Variants in MTA3 observed in about 807,000 individuals in gnomAD.
The protein encoded by MTA3 is metastasis associated 1 family member 3.
In MTA3, 34 loss-of-function variants were observed where a neutral mutation model predicts 83.5. The ratio of observed to expected loss-of-function variants is 0.41; its 90% CI spans 0.31 to 0.54. The LOEUF is 0.54. Ranked by LOEUF, MTA3 falls within the 20% of genes least tolerant of loss-of-function variation. The pLI is 0.33. For missense variants in MTA3, 761 were observed against 726.4 expected, an observed-to-expected ratio of 1.05 and a Z score of -0.55; for synonymous variants, 303 against 252.7, an observed-to-expected ratio of 1.20 and a Z score of -1.89.
chr2:42,558,752 A>G (rs1324982226), intron 2 of MTA3, among the ~76,000 whole-genome samples: 3 of 146,808 alleles, frequency 2.0e-5, no homozygotes, highest in Non-Finnish European at 4.5e-5. Flanking sequence ...ACGGGGTTTC[A>G]CCATATTGCC....
At chr2:42,590,219 C>T (rs964624852) in intron 3 of MTA3, among the ~76,000 whole-genome samples, 1 of 152,008 alleles carries the variant, frequency 6.6e-6, no homozygotes, top group African/African-American at 2.4e-5. Flanking sequence ...AGATTTGATC[C>T]CTGGTGTTGG....
At chr2:42,645,935 A>G (rs1688139127) in intron 6 of MTA3, among the ~76,000 whole-genome samples, 1 of 152,244 alleles carries the variant, frequency 6.6e-6, no homozygotes, top group Admixed American at 6.5e-5. Context: ...GATGCCATCT[A>G]GGACTTTCAT....
upstream of MTA3, among the ~76,000 whole-genome samples, chr2:42,567,274 G>A (rs1007195478): frequency 4.6e-5 from 7 of 152,176 alleles, no homozygotes; most frequent in African/African-American, 1.7e-4. Flanking sequence ...CCATTTTATA[G>A]ACGAGGAAAC....
chr2:42,496,011 T>TA (rs931287157), intron 2 of MTA3, among the ~76,000 whole-genome samples: 1 of 152,174 alleles, frequency 6.6e-6, no homozygotes, highest in Non-Finnish European at 1.5e-5. Flanking sequence ...AGGAAGCCGT[T>TA]AAAAAATACT....
intron 2 of MTA3, among the ~76,000 whole-genome samples, chr2:42,529,287 C>G (rs1321848391): frequency 3.9e-5 from 6 of 152,162 alleles, no homozygotes; most frequent in Non-Finnish European, 8.8e-5. Flanking sequence ...CTATTCTAAG[C>G]AGTCCCCAGA....
At chr2:42,610,582 A>G (rs779274631) in intron 4 of MTA3, among the ~76,000 whole-genome samples, 9 of 152,198 alleles carry the variant, frequency 5.9e-5, no homozygotes, top group East Asian at 1.9e-4. Flanking sequence ...GTGGTTTTCT[A>G]TGATCTACTG....
chr2:42,679,614 A>G (rs1691685980), intron 8 of MTA3, among the ~76,000 whole-genome samples: 1 of 152,240 alleles, frequency 6.6e-6, no homozygotes. Context: ...GATTCATGGG[A>G]ACCCATGCAG....
chr2:42,524,214 A>C (rs576771976), intron 2 of MTA3, among the ~76,000 whole-genome samples: 8 of 152,146 alleles, frequency 5.3e-5, no homozygotes, highest in African/African-American at 1.9e-4. Context: ...TTCCCCTGGT[A>C]AAATTCCTGT....
At chr2:42,540,480 C>A (rs1676470087) in intron 2 of MTA3, among the ~76,000 whole-genome samples, 1 of 151,844 alleles carries the variant, frequency 6.6e-6, no homozygotes, top group South Asian at 2.1e-4. Flanking sequence ...GCTGTAAATA[C>A]CCTTGACAGG....
chr2:42,607,689 C>T (rs370815427), intron 3 of MTA3, among the ~76,000 whole-genome samples: 1 of 152,146 alleles, frequency 6.6e-6, no homozygotes, highest in Non-Finnish European at 1.5e-5. Flanking sequence ...ACTCTTCATC[C>T]ACTCTAATAA....
intron 11 of MTA3, among the ~76,000 whole-genome samples, chr2:42,701,312 AT>A (rs1693843501): frequency 2.0e-5 from 3 of 146,680 alleles, no homozygotes; most frequent in African/African-American, 5.0e-5. Flanking sequence ...AAAAAAAAAA[AT>A]TAAAGGCCAG....
chr2:42,715,406 C>CTTTTTTT (rs35673744), intron 14 of MTA3, among the ~76,000 whole-genome samples: 5 of 104,170 alleles, frequency 4.8e-5, no homozygotes, highest in Non-Finnish European at 7.4e-5. Flanking sequence ...CCACCAACTA[C>CTTTTTTT]TTTTTTTTTT....
At chr2:42,573,941 C>G (rs1218199813) in intron 2 of MTA3, among the ~76,000 whole-genome samples, 1 of 152,124 alleles carries the variant, frequency 6.6e-6, no homozygotes, top group South Asian at 2.1e-4. Flanking sequence ...GCCTCAGCCT[C>G]CCGAGTAGCT....
chr2:42,549,052 T>A (rs1204569689), intron 2 of MTA3, among the ~76,000 whole-genome samples: 30 of 135,712 alleles, frequency 2.2e-4, no homozygotes, highest in African/African-American at 8.0e-4. Flanking sequence ...TGCATGCCTG[T>A]AATCCCAGCT....
chr2:42,675,344 C>G (rs1020671702), intron 8 of MTA3, among the ~76,000 whole-genome samples: 3 of 152,076 alleles, frequency 2.0e-5, no homozygotes, highest in African/African-American at 7.2e-5. Flanking sequence ...CTCTGTTGGC[C>G]AGGCTGGTCT....
intron 3 of MTA3, among the ~76,000 whole-genome samples, chr2:42,596,826 A>G (rs768779739): frequency 2.0e-5 from 3 of 149,228 alleles, no homozygotes; most frequent in Non-Finnish European, 4.5e-5. Flanking sequence ...AAAATCCTTA[A>G]TTTTTTTTTT....
chr2:42,669,420 T>A (rs560712158), intron 8 of MTA3, among the ~76,000 whole-genome samples: 1 of 152,252 alleles, frequency 6.6e-6, no homozygotes, highest in South Asian at 2.1e-4. Context: ...ATTTTAGATA[T>A]CAACTTATGT....
rs186462295 is a variant in MTA3 at position 42,690,939 on chromosome 2, C to T, written c.892-4826C>T. ...TTGCCCAAGCTAGAGTGCAGTGGCG[C>T]GATCTCTGCTTACTGCAACCTCCAC... is the stretch of plus-strand genomic sequence containing the variant. On this transcript the variant is annotated intron_variant, in intron 9 of 16. Transcript: ENST00000405094. Among the ~76,000 whole-genome samples the T allele has an allele frequency of 6.1e-4, 92 of 151,642 alleles. 1 individual carries two copies. The highest frequency in any genetic ancestry group is 3.4e-3 in the Middle Eastern group (1 of 290).
At chr2:42,717,348 T>G (rs139369556) in intron 14 of MTA3, among the ~76,000 whole-genome samples, 28 of 152,224 alleles carry the variant, frequency 1.8e-4, no homozygotes, top group African/African-American at 6.7e-4. Flanking sequence ...GTAGGACATT[T>G]TTGTCAAATA....
Sources: gnomAD v4.1 joint callset for allele counts (sites outside exome capture counted in the v4.1 genomes callset) on GRCh38, gnomAD v4.1.1 for gene constraint, MANE v1.5 for transcripts, NCBI Gene and HGNC (gene_info 2026-07-23, HGNC 2026-07-21) for gene names.